RGS6: variants seen among roughly 807,000 people sequenced by gnomAD.
RGS6 encodes the protein regulator of G-protein signaling 6.
Under a neutral mutation model 78.5 loss-of-function variants are expected in RGS6, and 30 were observed. The observed-to-expected ratio is 0.38, with a 90% confidence interval of 0.29 to 0.52. The LOEUF (loss-of-function observed/expected upper bound fraction) is 0.52, where lower values mean the gene tolerates loss of function less well. RGS6 is among the 20% of genes least tolerant of loss of function. The probability of loss-of-function intolerance (pLI) is 0.85; values close to 1 mark genes in which losing one functional copy is unlikely to be tolerated. For missense variants in RGS6, 495 were observed against 609.7 expected, an observed-to-expected ratio of 0.81 and a Z score of 1.98; for synonymous variants, 206 against 206.0, an observed-to-expected ratio of 1.00 and a Z score of 0.00.
At chr14:71,881,033 G>A in the RGS6 span, among the ~76,000 whole-genome samples, 1 of 152,234 alleles carries the variant, frequency 6.6e-6, no homozygotes, top group Non-Finnish European at 1.5e-5. Flanking sequence ...AGTGTGACCT[G>A]TATGTGAGAC....
At chr14:72,445,740 C>T (rs2095347538) in intron 3 of RGS6, among the ~76,000 whole-genome samples, 1 of 152,190 alleles carries the variant, frequency 6.6e-6, no homozygotes, top group African/African-American at 2.4e-5. Flanking sequence ...TGTTTGTTTA[C>T]TCCATGCCAG....
At chr14:72,233,103 G>C (rs1039674796) in intron 2 of RGS6, among the ~76,000 whole-genome samples, 1 of 152,180 alleles carries the variant, frequency 6.6e-6, no homozygotes, top group African/African-American at 2.4e-5. Context: ...CTGGCAGAGA[G>C]GGAGCAGGCC....
the RGS6 span, among the ~76,000 whole-genome samples, chr14:72,597,253 A>AGG: frequency 6.6e-6 from 1 of 150,904 alleles, no homozygotes. Flanking sequence ...AAAAAGAAAG[A>AGG]GAGAGATAGT....
At chr14:71,947,776 A>G (rs917534401) in intron 1 of RGS6, among the ~76,000 whole-genome samples, 1 of 152,226 alleles carries the variant, frequency 6.6e-6, no homozygotes, top group African/African-American at 2.4e-5. Flanking sequence ...AATAGGTATA[A>G]GTTGAACTTT....
chr14:71,913,163 C>T, the RGS6 span, among the ~76,000 whole-genome samples: 1 of 152,164 alleles, frequency 6.6e-6, no homozygotes, highest in Admixed American at 6.5e-5. Context: ...CCAGATTTCA[C>T]TTCATTTTAA....
At chr14:72,265,585 T>C (rs2079502) in intron 2 of RGS6, among the ~76,000 whole-genome samples, 85,543 of 151,924 alleles carry the variant, frequency 0.56, 24,514 homozygotes, top group African/African-American at 0.65. Context: ...CCATTAACTC[T>C]ACCATCACCA....
At chr14:72,065,904 C>T (rs1375350309) in intron 2 of RGS6, among the ~76,000 whole-genome samples, 5 of 151,738 alleles carry the variant, frequency 3.3e-5, no homozygotes, top group South Asian at 2.1e-4. Flanking sequence ...GTATATCTCC[C>T]GATGCTATCC....
chr14:72,619,228 G>A, the RGS6 span: 4 of 1,450,680 alleles, frequency 2.8e-6, no homozygotes, highest in East Asian at 2.5e-5. Flanking sequence ...GGAGGAGGGC[G>A]CGTTCTGGTT....
Position 72,474,705 on chromosome 14 carries a change from C to G in RGS6, c.693+6C>G, listed in dbSNP as rs755231426. 1 of 1,612,530 alleles carries G rather than the reference C, an allele frequency of 6.2e-7. No homozygotes were observed. Among genetic ancestry groups the G allele is most frequent in the Non-Finnish European group, 8.5e-7 (1 of 1,179,344 alleles). ...ATCCACAAAAGGTTAAAAAGGTTCG[C>G]TAGTTTAGCTGAGTTAAAAATTCCT... On this transcript the variant is annotated splice_donor_region_variant and intron_variant, in intron 10 of 17. Coordinates refer to ENST00000553525, the MANE Select transcript of RGS6 (RefSeq NM_001204424.2).
At position 72,108,616 on chromosome 14, in the gene RGS6, T is replaced by C. The variant is rs143179296; in HGVS notation, c.84+143741T>C. 1.1e-4 allele frequency among the ~76,000 whole-genome samples: 16 copies of C among 152,150 alleles called. No homozygotes were observed. In the East Asian group the frequency reaches 2.7e-3, roughly 26 times the overall value. On this transcript the variant is annotated intron_variant, in intron 2 of 17. Transcript: ENST00000553525. The stretch of plus-strand genomic sequence containing the variant: ...GGCTTCTTATCTTTCTTAAGTTCTT[T>C]TGATTTTTTTAAAAAAATTTAATTT...
chr14:72,136,198 G>A (rs2096436838), intron 2 of RGS6, among the ~76,000 whole-genome samples: 2 of 152,078 alleles, frequency 1.3e-5, no homozygotes, highest in African/African-American at 4.8e-5. Flanking sequence ...TCTCTGGGTA[G>A]GTCTAATTTA....
chr14:72,494,903 C>T (rs992324452), intron 12 of RGS6, among the ~76,000 whole-genome samples: 2 of 152,010 alleles, frequency 1.3e-5, no homozygotes, highest in South Asian at 4.1e-4. Context: ...GGTAAAGAAT[C>T]AAGTGAGGAA....
Position 72,113,070 on chromosome 14 carries a change from A to G in RGS6, c.84+148195A>G, listed in dbSNP as rs977265840. On this transcript the variant is annotated intron_variant, in intron 2 of 17. Coordinates refer to ENST00000553525, the MANE Select transcript of RGS6 (RefSeq NM_001204424.2). ...TGCCAGGCTTCCTACACTTACACAC[A>G]CACACACGCATGCACGCATGCATGC... 7.8e-5 allele frequency among the ~76,000 whole-genome samples: 11 copies of G among 141,470 alleles called. No homozygotes were observed. In the South Asian group the frequency reaches 2.3e-3, roughly 30 times the overall value. 92.8% of individuals were successfully genotyped at this position (141,470 alleles called of 152,430 possible).
chr14:72,474,684 A>T lies in RGS6; in HGVS notation c.678A>T (p.Pro226=). 6.2e-7 allele frequency: 1 copy of T among 1,613,974 alleles called. No homozygotes were observed. The highest frequency in any genetic ancestry group is 8.5e-7 in the Non-Finnish European group (1 of 1,179,944). The stretch of plus-strand genomic sequence containing the variant: ...GAAAATGTCGACGTTTGAAGAATCC[A>T]CAAAAGGTTAAAAAGGTTCGCTAGT... ...DIRKCRRLKN[P]QKVKKSVYGV... The change falls in exon 10 of 18, where the codon CCA becomes CCT. Residue 226 remains proline (P), a synonymous_variant. Coordinates refer to ENST00000553525, the MANE Select transcript of RGS6 (RefSeq NM_001204424.2).
At chr14:72,152,239 AGAGAGAGTGT>A (rs1177541790) in intron 2 of RGS6, among the ~76,000 whole-genome samples, 9 of 142,536 alleles carry the variant, frequency 6.3e-5, no homozygotes, top group Admixed American at 1.5e-4. Context: ...AGAGAGAGAG[AGAGAGAGTGT>A]GTGTGTGTGT....
At chr14:72,382,289 A>T (rs1380638656) in intron 3 of RGS6, among the ~76,000 whole-genome samples, 4 of 152,202 alleles carry the variant, frequency 2.6e-5, no homozygotes, top group African/African-American at 9.6e-5. Context: ...CAAAACCATG[A>T]ACAAACATTT....
the RGS6 span, among the ~76,000 whole-genome samples, chr14:71,914,410 T>A: frequency 6.6e-6 from 1 of 152,176 alleles, no homozygotes; most frequent in Non-Finnish European, 1.5e-5. Context: ...CAACTCCAAG[T>A]TTCACTTTTC....
the RGS6 span, among the ~76,000 whole-genome samples, chr14:71,920,001 T>A: frequency 2.0e-5 from 3 of 152,024 alleles, no homozygotes; most frequent in East Asian, 1.9e-4. Flanking sequence ...CTCAAAAAAA[T>A]AAAATAAAAT....
At chr14:72,374,991 C>G (rs2084334637) in intron 3 of RGS6, among the ~76,000 whole-genome samples, 1 of 152,092 alleles carries the variant, frequency 6.6e-6, no homozygotes. Flanking sequence ...AAACATTAAA[C>G]AGCAGATTTG....
Sources: allele counts gnomAD v4.1 joint callset (sites outside exome capture counted in the v4.1 genomes callset), GRCh38; gene constraint gnomAD v4.1.1; transcripts MANE v1.5; gene names NCBI Gene and HGNC (gene_info 2026-07-23, HGNC 2026-07-21).